Variants in HIPK2 observed in about 807,000 individuals in gnomAD.
HIPK2 encodes homeodomain interacting protein kinase 2, also known as homeodomain-interacting protein kinase 2.
Under a neutral mutation model 113.7 loss-of-function variants are expected in HIPK2, and 27 were observed. The ratio of observed to expected loss-of-function variants is 0.24; its 90% confidence interval spans 0.17 to 0.33. The LOEUF (loss-of-function observed/expected upper bound fraction) is 0.33, where lower values mean the gene tolerates loss of function less well. HIPK2 is among the 10% of genes least tolerant of loss of function. The probability of loss-of-function intolerance (pLI) is 1.00; values close to 1 mark genes in which losing one functional copy is unlikely to be tolerated. For synonymous variants in HIPK2, 631 were observed against 642.2 expected, an observed-to-expected ratio of 0.98 and a Z score of 0.26; for missense variants, 1,257 against 1,588.0, an observed-to-expected ratio of 0.79 and a Z score of 3.54.
At chr7:139,752,318 CT>C (rs2117112984) in intron 1 of HIPK2, among the ~76,000 whole-genome samples, 1 of 152,360 alleles carries the variant, frequency 6.6e-6, no homozygotes, top group South Asian at 2.1e-4. Flanking sequence ...ATCGCCCACC[CT>C]GGGAGCTCTT....
intron 2 of HIPK2, among the ~76,000 whole-genome samples, chr7:139,690,850 A>G (rs1794385125): frequency 6.6e-6 from 1 of 152,076 alleles, no homozygotes; most frequent in Non-Finnish European, 1.5e-5. Flanking sequence ...AGACATCAGA[A>G]TCATGAGCGA....
chr7:139,638,306 C>G (rs1585310571), intron 2 of HIPK2, among the ~76,000 whole-genome samples: 1 of 152,164 alleles, frequency 6.6e-6, no homozygotes, highest in Non-Finnish European at 1.5e-5. Context: ...ACTCATGAGA[C>G]ATGTTTCAGA....
rs374759577 is a variant in HIPK2, at chr7:139,667,758, T to C, written c.1104-36033A>G. ...ATTTCCTTTATACATTAGAACAATC[T>C]AGTTTCATAGGTGTTAAGTAGTAAA... On this transcript the variant is annotated intron_variant, in intron 2 of 14. Transcript: ENST00000406875. 1.1e-3 allele frequency among the ~76,000 whole-genome samples: 170 copies of C among 152,336 alleles called. 4 individuals are homozygous for C. In the South Asian group the frequency reaches 0.033, roughly 30 times the overall value.
intron 5 of HIPK2, among the ~76,000 whole-genome samples, chr7:139,627,592 T>C (rs1470742987): frequency 6.6e-6 from 1 of 152,242 alleles, no homozygotes; most frequent in Non-Finnish European, 1.5e-5. Context: ...GGACATGGTC[T>C]GGAAACCAAT....
chr7:139,744,426 T>C (rs1420620827), intron 1 of HIPK2, among the ~76,000 whole-genome samples: 1 of 152,008 alleles, frequency 6.6e-6, no homozygotes, highest in Non-Finnish European at 1.5e-5. Flanking sequence ...GAGAAGCGAA[T>C]AGGGAGTGAG....
intron 1 of HIPK2, among the ~76,000 whole-genome samples, chr7:139,774,606 CAG>C (rs1418811801): frequency 1.3e-5 from 2 of 152,178 alleles, no homozygotes; most frequent in African/African-American, 4.8e-5. Flanking sequence ...TGAATTGCAG[CAG>C]ACAGTTTTTG....
At chr7:139,777,501 G>GGGCAGGCGCCGGGGGCTGC (rs1175138451) in intron 1 of HIPK2, 104 bp downstream of exon 1, 3 of 358,626 alleles carry the variant, frequency 8.4e-6, no homozygotes, top group Non-Finnish European at 1.2e-5. Flanking sequence ...GTGGGGGCTG[G>GGGCAGGCGCCGGGGGCTGC]GGCAGGCGCC....
At chr7:139,754,489 C>T (rs958123906) in intron 1 of HIPK2, among the ~76,000 whole-genome samples, 1 of 152,164 alleles carries the variant, frequency 6.6e-6, no homozygotes, top group African/African-American at 2.4e-5. Flanking sequence ...AAAGCTGGTT[C>T]CACCAAAGCC....
chr7:139,634,008 G>A (rs1800715840), intron 2 of HIPK2, among the ~76,000 whole-genome samples: 1 of 151,686 alleles, frequency 6.6e-6, no homozygotes, highest in South Asian at 2.1e-4. Flanking sequence ...TACTCAGGAG[G>A]CTGAAGTGGG....
chr7:139,659,823 A>C (rs1424534226), intron 2 of HIPK2, among the ~76,000 whole-genome samples: 1 of 152,148 alleles, frequency 6.6e-6, no homozygotes, highest in Non-Finnish European at 1.5e-5. Flanking sequence ...TCCTTTATTC[A>C]GTTCTCCCTG....
rs1004593423 is a variant in HIPK2, at chr7:139,603,146, G to A, written c.2255+935C>T. 5.9e-5 allele frequency among the ~76,000 whole-genome samples: 9 copies of A among 152,214 alleles called. No individual in the cohort carries two copies. In the East Asian group the frequency reaches 7.7e-4, roughly 13 times the overall value. Reference sequence around the variant, plus strand: ...ATATCACCACCTTTCTTCTTTTCTCGGAGAGATCTTAATTCACAATAGCCT... The same window carrying A: ...ATATCACCACCTTTCTTCTTTTCTCAGAGAGATCTTAATTCACAATAGCCT... On this transcript the variant is annotated intron_variant, in intron 10 of 14. Coordinates refer to ENST00000406875, the MANE Select transcript of HIPK2 (RefSeq NM_022740.5).
intron 2 of HIPK2, among the ~76,000 whole-genome samples, chr7:139,638,049 G>T (rs1411683319): frequency 2.0e-5 from 3 of 152,142 alleles, no homozygotes; most frequent in Non-Finnish European, 4.4e-5. Flanking sequence ...GTTAGGACTT[G>T]GGACCTCAGG....
chr7:139,567,386 A>G lies in HIPK2; in HGVS notation c.*5541T>C, dbSNP rs1017520477. 1 of 147,188 alleles carries G rather than the reference A, an allele frequency of 6.8e-6. No individual in the cohort carries two copies. Among genetic ancestry groups the G allele is most frequent in the Non-Finnish European group, 1.5e-5 (1 of 67,672 alleles). 9.1% of individuals were successfully genotyped at this position (147,188 alleles called of 1,614,324 possible). The stretch of plus-strand genomic sequence containing the variant: ...CTTAAAAGAATAGCACAGTTTTGAA[A>G]TAAATGCATTTTTTTTTTTTAAAAA... On this transcript the variant is annotated 3_prime_UTR_variant, in exon 15 of 15. Transcript: ENST00000406875.
intron 1 of HIPK2, among the ~76,000 whole-genome samples, chr7:139,737,814 G>T (rs1795980220): frequency 6.6e-6 from 1 of 152,236 alleles, no homozygotes. Context: ...TTGCTGGGAA[G>T]GCCAATTTCC....
chr7:139,628,003 C>A (rs1408707584), intron 5 of HIPK2, among the ~76,000 whole-genome samples: 2 of 152,042 alleles, frequency 1.3e-5, no homozygotes, highest in African/African-American at 4.8e-5. Flanking sequence ...AGGTCATACT[C>A]GATTAGGGTG....
chr7:139,756,006 G>A (rs1290281630), intron 1 of HIPK2, among the ~76,000 whole-genome samples: 1 of 152,148 alleles, frequency 6.6e-6, no homozygotes, highest in Non-Finnish European at 1.5e-5. Flanking sequence ...CCATCTCTCA[G>A]GCTCAGACAG....
At chr7:139,673,609 T>C (rs1569471038) in intron 2 of HIPK2, among the ~76,000 whole-genome samples, 1 of 152,164 alleles carries the variant, frequency 6.6e-6, no homozygotes, top group Non-Finnish European at 1.5e-5. Flanking sequence ...CACCAGGTGC[T>C]TACCATTATC....
Position 139,650,139 on chromosome 7 carries a change from C to G in HIPK2, c.1104-18414G>C, listed in dbSNP as rs1801402089. On this transcript the variant is annotated intron_variant, in intron 2 of 14. Coordinates refer to ENST00000406875, the MANE Select transcript of HIPK2 (RefSeq NM_022740.5). ...CCAAGGCAGGCAGATCACCTGAGGT[C>G]AGGAGATCAAGACCAGCCTGGCCAA... is the stretch of plus-strand genomic sequence containing the variant. Among the ~76,000 whole-genome samples, 2 of 152,076 alleles carry G rather than the reference C, an allele frequency of 1.3e-5. 1 individual carries two copies. The highest frequency in any genetic ancestry group is 4.8e-5 in the African/African-American group (2 of 41,408).
At chr7:139,601,375 C>G (rs1460721859) in intron 10 of HIPK2, among the ~76,000 whole-genome samples, 1 of 152,120 alleles carries the variant, frequency 6.6e-6, no homozygotes, top group Non-Finnish European at 1.5e-5. Flanking sequence ...CTTAGCAATA[C>G]CATTTTATTA....
Sources: allele counts gnomAD v4.1 joint callset (sites outside exome capture counted in the v4.1 genomes callset), GRCh38; gene constraint gnomAD v4.1.1; transcripts MANE v1.5; gene names NCBI Gene and HGNC (gene_info 2026-07-23, HGNC 2026-07-21).